Variants in WNK1 observed in about 807,000 individuals in gnomAD.
WNK1 encodes the protein serine/threonine-protein kinase WNK1.
In WNK1, 38 loss-of-function variants were observed where a neutral mutation model predicts 222.8. The ratio of observed to expected loss-of-function variants is 0.17; its 90% confidence interval spans 0.13 to 0.22. The LOEUF (loss-of-function observed/expected upper bound fraction) is 0.22. Among genes scored for constraint, WNK1 ranks in the 10% least tolerant of loss-of-function variants. WNK1 has a pLI of 1.00. For synonymous variants in WNK1, 1,090 were observed against 1,092.9 expected (o/e 1.00, Z 0.05); for missense variants, 2,348 against 2,918.4 (o/e 0.80, Z 4.50).
chr12:786,133 G>GA lies in WNK1; in HGVS notation c.760-27503dup, dbSNP rs558521858. Among the ~76,000 whole-genome samples the GA allele has an allele frequency of 2.1e-3, 326 of 152,176 alleles. 1 individual carries two copies. Among genetic ancestry groups the GA allele is most frequent in the African/African-American group, 7.7e-3 (320 of 41,522 alleles). On this transcript the variant is annotated intron_variant, in intron 1 of 27. Transcript: ENST00000315939. ...TATTTGAAAATAGTATTTATTAAGG[G>GA]AAAAAATCTGTATTTGTTAATTGTA...
chr12:908,560 C>A lies in WNK1; in HGVS notation c.6917C>A (p.Ser2306Tyr). 1 of 1,614,196 alleles carries A rather than the reference C, an allele frequency of 6.2e-7. No homozygotes were observed. ...TSNLGGSAPISAASATSLGHF... is the reference protein window; with the variant it reads ...TSNLGGSAPIYAASATSLGHF... ...AACCTGGGTGGCTCTGCCCCCATCT[C>A]TGCAGCATCAGCTACCTCTCTAGGT... Residue 2306 changes from serine (S) to tyrosine (Y), a missense_variant, in exon 28 of 28, where the codon TCT (serine) becomes TAT (tyrosine). By Grantham distance (144) the Ser-to-Tyr change is moderately radical. Around this residue, in one of 13 missense-constraint regions of WNK1, gnomAD observed 55 missense variants for 104.1 expected, o/e 0.53. Transcript: ENST00000315939.
At chr12:883,332 A>G in intron 15 of WNK1, 63 bp from the exon 16 acceptor site, 1 of 1,581,790 alleles carries the variant, frequency 6.3e-7, no homozygotes, top group Non-Finnish European at 8.7e-7. Flanking sequence ...GACAGAAGTC[A>G]TAAAAGTGAC....
At chr12:859,631 T>TGTGTGTGTGTGGG (rs111327474) in intron 6 of WNK1, among the ~76,000 whole-genome samples, 167 bp downstream of exon 6, 1 of 80,956 alleles carries the variant, frequency 1.2e-5, no homozygotes, top group South Asian at 3.8e-4. Context: ...CGTGTGTGTG[T>TGTGTGTGTGTGGG]GTTTTTTTTT....
intron 4 of WNK1, among the ~76,000 whole-genome samples, chr12:834,958 G>A (rs767375725): frequency 6.6e-6 from 1 of 152,056 alleles, no homozygotes; most frequent in Non-Finnish European, 1.5e-5. Context: ...TTGTTTGTAC[G>A]CGTGTCTATG....
chr12:902,163 G>A (rs1422468657), intron 26 of WNK1, among the ~76,000 whole-genome samples: 1 of 151,972 alleles, frequency 6.6e-6, no homozygotes, highest in Non-Finnish European at 1.5e-5. Flanking sequence ...GCCTGGCATG[G>A]TGGTGTGCAC....
intron 4 of WNK1, among the ~76,000 whole-genome samples, chr12:833,042 C>T (rs1451225454): frequency 3.3e-5 from 5 of 150,440 alleles, no homozygotes; most frequent in Middle Eastern, 3.4e-3. Flanking sequence ...AGCATAGGGT[C>T]GACTGTTTAT....
At chr12:863,217 T>C (rs960881514) in intron 8 of WNK1, among the ~76,000 whole-genome samples, 12 of 152,172 alleles carry the variant, frequency 7.9e-5, no homozygotes, top group African/African-American at 2.4e-4. Context: ...TAAATGAAAA[T>C]CTTTCTCTGT....
intron 1 of WNK1, among the ~76,000 whole-genome samples, chr12:794,194 A>G (rs1165400543): frequency 6.6e-6 from 1 of 152,182 alleles, no homozygotes; most frequent in African/African-American, 2.4e-5. Context: ...GTTTTGGGTT[A>G]TTATGAATAA....
At chr12:785,329 C>T (rs1310769378) in intron 1 of WNK1, among the ~76,000 whole-genome samples, 3 of 151,940 alleles carry the variant, frequency 2.0e-5, no homozygotes, top group Non-Finnish European at 2.9e-5. Context: ...TTATGTTGCC[C>T]CTTCCAGAAC....
At position 907,933 on chromosome 12, in the gene WNK1, G is replaced by A; in HGVS notation, c.6730G>A (p.Gly2244Ser). ...TCCTGCCATGACGTCCAGCAGGAAG[G>A]GCACATTCACAGATGACTTGCACAA... Reference protein sequence around the residue: ...QPPAMTSSRKGTFTDDLHKLV... With the variant: ...QPPAMTSSRKSTFTDDLHKLV... Residue 2244 changes from glycine to serine, a missense_variant, in exon 27 of 28, where the codon GGC becomes AGC. Physicochemically the swap from Gly to Ser is moderately conservative, Grantham distance 56. Transcript: ENST00000315939. 6.2e-7 allele frequency: 1 copy of A among 1,614,170 alleles called. No homozygotes were observed. Among genetic ancestry groups the A allele is most frequent in the Non-Finnish European group, 8.5e-7 (1 of 1,180,042 alleles).
intron 9 of WNK1, among the ~76,000 whole-genome samples, chr12:874,572 C>T (rs957439415): frequency 6.6e-6 from 1 of 152,014 alleles, no homozygotes; most frequent in Non-Finnish European, 1.5e-5. Flanking sequence ...GAAGGTCTAC[C>T]GAGCTGGACC....
chr12:908,601 A>T lies in WNK1; in HGVS notation c.6958A>T (p.Met2320Leu). The change falls in exon 28 of 28, where the codon ATG (methionine) becomes TTG (leucine). Residue 2320 changes from methionine (M) to leucine (L), a missense_variant. Met to Leu is a conservative substitution (Grantham distance 15, BLOSUM62 2). This residue lies in a region of WNK1 where 76 missense variants were observed against 85.7 expected (regional missense o/e 0.89). Transcript: ENST00000315939. The part of the protein sequence containing the change: ...ATSLGHFTKS[M>L]CPPQQYGFPA... ...CTCTCTAGGTCACTTCACCAAGTCT[A>T]TGTGCCCCCCACAGCAGTATGGCTT... 3 of 1,614,118 alleles carry T rather than the reference A, an allele frequency of 1.9e-6. No individual in the cohort carries two copies. Among genetic ancestry groups the T allele is most frequent in the Non-Finnish European group, 2.5e-6 (3 of 1,180,016 alleles).
At position 864,110 on chromosome 12, in the gene WNK1, G is replaced by GTTTTTTTTTTTTTTTTTTTTTTTTTTT. The variant is rs372936466; in HGVS notation, c.2139+1857_2139+1858insTTTTTTTTTTTTTTTTTTTTTTTTTTT. Among the ~76,000 whole-genome samples, 25 of 124,578 alleles carry GTTTTTTTTTTTTTTTTTTTTTTTTTTT rather than the reference G, an allele frequency of 2.0e-4. 1 individual carries two copies. The highest frequency in any genetic ancestry group is 6.9e-4 in the African/African-American group (23 of 33,134). 81.7% of individuals were successfully genotyped at this position (124,578 alleles called of 152,430 possible). A position where few individuals can be genotyped will look rare whatever the true frequency, so the allele number is the denominator to read the frequency against. ...ACCCTGTGCCTGAACATTTTTTTAA[G>GTTTTTTTTTTTTTTTTTTTTTTTTTTT]TTTTTTTTTTTTTTTTTGACAGCGT... is the stretch of plus-strand genomic sequence containing the variant. On this transcript the variant is annotated intron_variant, in intron 8 of 27. Transcript: ENST00000315939.
rs368962063 is a variant in WNK1 at position 879,597 on chromosome 12, A to G, written c.2398A>G (p.Thr800Ala). Residue 800 changes from threonine to alanine, a missense_variant, in exon 11 of 28, where the codon ACT (threonine) becomes GCT (alanine). Transcript: ENST00000315939. ...GCTTCCAGTTTCCCAGCCAGTACCA[A>G]CTATCCAAGGCGAACCTCAGATCCC... is the stretch of plus-strand genomic sequence containing the variant. ...KQLPVSQPVP[T>A]IQGEPQIPVA... The G allele has an allele frequency of 5.9e-5, 94 of 1,606,470 alleles. No individual in the cohort carries two copies. Among genetic ancestry groups the G allele is most frequent in the Non-Finnish European group, 7.5e-5 (88 of 1,178,994 alleles).
At chr12:789,744 T>C (rs745969913) in intron 1 of WNK1, among the ~76,000 whole-genome samples, 4 of 152,150 alleles carry the variant, frequency 2.6e-5, no homozygotes, top group African/African-American at 4.8e-5. Flanking sequence ...TTTTATAATA[T>C]TTCATAGATG....
intron 2 of WNK1, among the ~76,000 whole-genome samples, chr12:814,243 C>T (rs532278276): frequency 4.2e-4 from 64 of 151,482 alleles, no homozygotes; most frequent in Middle Eastern, 3.4e-3. Context: ...GCAGGAGAAT[C>T]GCTTGAACCT....
intron 1 of WNK1, among the ~76,000 whole-genome samples, chr12:807,851 C>G (rs1447319436): frequency 6.6e-6 from 1 of 150,884 alleles, no homozygotes; most frequent in Non-Finnish European, 1.5e-5. Context: ...TCCCGAGTAG[C>G]TGGGACTACA....
chr12:879,701 C>T lies in WNK1; in HGVS notation c.2502C>T (p.Pro834=), dbSNP rs915921192. Residue 834 remains proline (P), a synonymous_variant, in exon 11 of 28, where the codon CCC becomes CCT. Coordinates refer to ENST00000315939, the MANE Select transcript of WNK1 (RefSeq NM_018979.4). ...FLPVGQPLPT[P]LLPQYPVSQI... Reference sequence around the variant, plus strand: ...CAGTGGGACAGCCGCTCCCTACTCCCTTGCTCCCTCAGTACCCTGTCTCTC... The same window carrying T: ...CAGTGGGACAGCCGCTCCCTACTCCTTTGCTCCCTCAGTACCCTGTCTCTC... 5 of 1,613,834 alleles carry T rather than the reference C, an allele frequency of 3.1e-6. No individual in the cohort carries two copies. Among genetic ancestry groups the T allele is most frequent in the Non-Finnish European group, 4.2e-6 (5 of 1,179,998 alleles).
chr12:781,741 T>G (rs1209056352), intron 1 of WNK1, among the ~76,000 whole-genome samples: 1 of 152,186 alleles, frequency 6.6e-6, no homozygotes, highest in African/African-American at 2.4e-5. Flanking sequence ...GACTACAGAT[T>G]TAATTTTAAA....
Sources: allele counts gnomAD v4.1 joint callset (sites outside exome capture counted in the v4.1 genomes callset), GRCh38; gene constraint gnomAD v4.1.1; regional missense constraint gnomAD v4.1.1; transcripts MANE v1.5; gene names NCBI Gene and HGNC (gene_info 2026-07-23, HGNC 2026-07-21).